PTPRA: variants seen among roughly 807,000 people sequenced by gnomAD.
PTPRA encodes protein tyrosine phosphatase receptor type A.
A neutral mutation model predicts 104.8 loss-of-function variants in PTPRA; 25 were observed. The ratio of observed to expected loss-of-function variants is 0.24; its 90% CI spans 0.17 to 0.33. PTPRA has a LOEUF of 0.33. Among genes scored for constraint, PTPRA ranks in the 10% least tolerant of loss-of-function variants. The pLI is 1.00. For missense variants in PTPRA, 765 were observed against 1,015.3 expected, an observed-to-expected ratio of 0.75 and a Z score of 3.35; for synonymous variants, 323 against 368.9, an observed-to-expected ratio of 0.88 and a Z score of 1.43.
chr20:2,886,337 T>C (rs184948310), intron 1 of PTPRA, among the ~76,000 whole-genome samples: 12 of 152,360 alleles, frequency 7.9e-5, no homozygotes, highest in Non-Finnish European at 1.2e-4. Flanking sequence ...ATCTGGAATT[T>C]GCTTTAAAAT....
intron 7 of PTPRA, 106 bp downstream of exon 7, chr20:2,986,955 G>A: frequency 1.0e-6 from 1 of 1,002,476 alleles, no homozygotes; most frequent in South Asian, 1.3e-5. Flanking sequence ...CAATGAATAG[G>A]ATAGAGGGGG....
intron 2 of PTPRA, among the ~76,000 whole-genome samples, chr20:2,937,077 T>C (rs2147595920): frequency 6.6e-6 from 1 of 152,018 alleles, no homozygotes; most frequent in African/African-American, 2.4e-5. Flanking sequence ...AAGTAGAATG[T>C]AGTTAGTTTT....
intron 2 of PTPRA, among the ~76,000 whole-genome samples, chr20:2,942,954 CTA>C: frequency 6.6e-6 from 1 of 151,826 alleles, no homozygotes; most frequent in East Asian, 1.9e-4. Context: ...TTAACAATAA[CTA>C]ATAATAAAAT....
intron 20 of PTPRA, among the ~76,000 whole-genome samples, chr20:3,030,385 A>G (rs925732634): frequency 3.3e-5 from 5 of 152,180 alleles, no homozygotes; most frequent in African/African-American, 9.7e-5. Flanking sequence ...CTTGCCCTCA[A>G]AAGCTTCTGA....
At chr20:3,028,184 G>C (rs369454770) in intron 20 of PTPRA, among the ~76,000 whole-genome samples, 23 of 144,970 alleles carry the variant, frequency 1.6e-4, no homozygotes, top group Admixed American at 4.0e-4. Context: ...TGCCCCAGGC[G>C]GGGGGGGCAC....
chr20:2,987,852 G>T, intron 7 of PTPRA, 180 bp from the exon 8 acceptor site: 1 of 739,642 alleles, frequency 1.4e-6, no homozygotes, highest in East Asian at 2.6e-5. Flanking sequence ...GGAGTATCCC[G>T]AGGTACTCGG....
intron 9 of PTPRA, among the ~76,000 whole-genome samples, chr20:3,004,057 G>A (rs1178033): frequency 0.19 from 28,264 of 152,048 alleles, 3,979 homozygotes; most frequent in African/African-American, 0.39. Context: ...TCGCTCTGTC[G>A]CCTAGGCTGG....
chr20:2,944,937 A>AT (rs752718761), intron 2 of PTPRA, among the ~76,000 whole-genome samples: 3 of 151,968 alleles, frequency 2.0e-5, no homozygotes, highest in Non-Finnish European at 4.4e-5. Context: ...TTCTTCGAAT[A>AT]TTTCTTCTGT....
At chr20:2,889,726 A>G (rs906119614) in intron 1 of PTPRA, among the ~76,000 whole-genome samples, 2 of 152,144 alleles carry the variant, frequency 1.3e-5, no homozygotes, top group Admixed American at 6.6e-5. Flanking sequence ...GAATCATGAT[A>G]CAGTTATTAT....
intron 13 of PTPRA, among the ~76,000 whole-genome samples, chr20:3,019,721 G>T (rs1246377610): frequency 6.6e-6 from 1 of 152,208 alleles, no homozygotes; most frequent in African/African-American, 2.4e-5. Context: ...GCCAAAGCAG[G>T]CTGCTGGGAG....
At chr20:2,954,977 T>G (rs1416644517) in intron 3 of PTPRA, among the ~76,000 whole-genome samples, 1 of 152,246 alleles carries the variant, frequency 6.6e-6, no homozygotes, top group African/African-American at 2.4e-5. Context: ...TTTGCAACTT[T>G]TATTTGGGCA....
intron 1 of PTPRA, among the ~76,000 whole-genome samples, chr20:2,903,242 G>T (rs1229102582): frequency 6.6e-6 from 1 of 152,136 alleles, no homozygotes; most frequent in Non-Finnish European, 1.5e-5. Context: ...AACCACGTCT[G>T]GTTCCAAGCA....
chr20:2,904,160 G>C (rs1426201067), intron 1 of PTPRA, among the ~76,000 whole-genome samples: 5 of 152,016 alleles, frequency 3.3e-5, no homozygotes. Flanking sequence ...AAGTGATCTT[G>C]CTTTGGCCTT....
At chr20:3,015,227 G>A (rs967781240) in intron 11 of PTPRA, among the ~76,000 whole-genome samples, 2 of 152,032 alleles carry the variant, frequency 1.3e-5, no homozygotes, top group Non-Finnish European at 2.9e-5. Flanking sequence ...TACATTGTTA[G>A]CTGCTGATAA....
intron 13 of PTPRA, 65 bp downstream of exon 13, chr20:3,017,978 C>A: frequency 7.3e-7 from 1 of 1,363,358 alleles, no homozygotes; most frequent in Non-Finnish European, 1.0e-6. Flanking sequence ...TGAGTTTAAG[C>A]CTGGCTGTCT....
chr20:2,901,897 T>C (rs1459312740), intron 1 of PTPRA, among the ~76,000 whole-genome samples: 1 of 151,892 alleles, frequency 6.6e-6, no homozygotes, highest in African/African-American at 2.4e-5. Context: ...TTTCTTTTTT[T>C]TTTTTGGATA....
chr20:3,003,478 A>T (rs577414485), intron 9 of PTPRA, among the ~76,000 whole-genome samples: 1 of 152,274 alleles, frequency 6.6e-6, no homozygotes, highest in African/African-American at 2.4e-5. Flanking sequence ...TAAGGCTCAT[A>T]AAATGTAATT....
rs758602150 is a variant in PTPRA at position 3,022,806 on chromosome 20, C to T, written c.1446C>T (p.Cys482=). Residue 482 remains cysteine, a synonymous_variant, in exon 16 of 24, where the codon TGC becomes TGT. Transcript: ENST00000399903. This position sits in a 1 kb window ranked among gnomAD's most constrained non-coding sequence, Gnocchi z 4.6. ...TGAGCCGGATCCGGGCACAGCGCTG[C>T]CAGATGGTGCAAACCGATGTGAGTG... ...GFVSRIRAQR[C]QMVQTDMQYV... 5.6e-6 allele frequency: 9 copies of T among 1,613,966 alleles called. No homozygotes were observed. Among genetic ancestry groups the T allele is most frequent in the Non-Finnish European group, 6.8e-6 (8 of 1,179,996 alleles).
intron 2 of PTPRA, among the ~76,000 whole-genome samples, chr20:2,940,646 G>C (rs900923684): frequency 1.8e-4 from 27 of 151,914 alleles, no homozygotes; most frequent in African/African-American, 6.5e-4. Context: ...CTTCAGCCTC[G>C]ACCTCCCAGG....
Sources: allele counts gnomAD v4.1 joint callset (sites outside exome capture counted in the v4.1 genomes callset), GRCh38; gene constraint gnomAD v4.1.1; non-coding constraint Gnocchi (gnomAD v3.1); transcripts MANE v1.5; gene names NCBI Gene and HGNC (gene_info 2026-07-23, HGNC 2026-07-21).